The following QKI variants were observed in gnomAD, a reference collection of about 807,000 sequenced individuals.
QKI encodes QKI, KH domain containing RNA binding, also known as KH domain-containing RNA-binding protein QKI.
In QKI, 10 loss-of-function variants were observed where a neutral mutation model predicts 39.0. The observed-to-expected ratio is 0.26, with a 90% CI of 0.16 to 0.43. The LOEUF is 0.43. QKI is among the 20% of genes least tolerant of loss of function. The pLI is 1.00. For synonymous variants in QKI, 204 were observed against 155.4 expected (o/e 1.31, Z -2.33); for missense variants, 218 against 428.0 (o/e 0.51, Z 4.33).
At chr6:163,474,801 A>AAAG (rs1241028543) in intron 2 of QKI, among the ~76,000 whole-genome samples, 1 of 150,394 alleles carries the variant, frequency 6.6e-6, no homozygotes, top group Non-Finnish European at 1.5e-5. Context: ...AAAAAAAAAA[A>AAAG]AAAAAAGCCA....
At chr6:163,485,588 CAA>C (rs139428120) in intron 3 of QKI, among the ~76,000 whole-genome samples, 3,084 of 152,276 alleles carry the variant, frequency 0.02, 103 homozygotes, top group African/African-American at 0.07. Context: ...TTCTCATAAA[CAA>C]GAGGAGAATA....
chr6:163,475,021 C>A (rs182905692), intron 2 of QKI, among the ~76,000 whole-genome samples: 2 of 152,066 alleles, frequency 1.3e-5, no homozygotes, highest in Non-Finnish European at 2.9e-5. Context: ...AGTGAAAATT[C>A]TTGCAAGTAT....
At chr6:163,514,725 T>C (rs1424308238) in intron 3 of QKI, among the ~76,000 whole-genome samples, 1 of 152,114 alleles carries the variant, frequency 6.6e-6, no homozygotes. Flanking sequence ...GATATTAGGA[T>C]AGTTGAATTT....
chr6:163,444,020 A>G (rs1409636444), intron 1 of QKI, among the ~76,000 whole-genome samples: 2 of 152,188 alleles, frequency 1.3e-5, no homozygotes, highest in African/African-American at 4.8e-5. Flanking sequence ...GCAAGTGTAG[A>G]GGAATCTAAT....
At chr6:163,530,471 A>G (rs1780781634) in intron 3 of QKI, among the ~76,000 whole-genome samples, 1 of 152,204 alleles carries the variant, frequency 6.6e-6, no homozygotes, top group South Asian at 2.1e-4. Flanking sequence ...AAATTTGCCA[A>G]TCCCAGATTG....
intron 1 of QKI, among the ~76,000 whole-genome samples, chr6:163,436,845 G>T (rs1789334199): frequency 6.9e-6 from 1 of 145,420 alleles, no homozygotes; most frequent in Admixed American, 6.9e-5. Context: ...TCCTTTTCTT[G>T]CTAAAGCAAG....
At chr6:163,549,193 G>A (rs1467367221) in intron 4 of QKI, among the ~76,000 whole-genome samples, 2 of 152,080 alleles carry the variant, frequency 1.3e-5, no homozygotes, top group Non-Finnish European at 2.9e-5. Flanking sequence ...TGGGAGGAGA[G>A]GCCAGAGAGG....
intron 3 of QKI, among the ~76,000 whole-genome samples, chr6:163,530,653 C>CT (rs373706848): frequency 1.3e-5 from 2 of 152,036 alleles, no homozygotes; most frequent in Non-Finnish European, 2.9e-5. Flanking sequence ...ACCTCAAAGC[C>CT]TTTTTTTGTG....
intron 7 of QKI, chr6:163,568,768 G>T: frequency 2.0e-6 from 2 of 984,686 alleles, no homozygotes; most frequent in Non-Finnish European, 2.4e-6. Context: ...CCAATATCTA[G>T]TTCTTTACTA....
intron 4 of QKI, among the ~76,000 whole-genome samples, chr6:163,536,799 G>C (rs1016226831): frequency 6.6e-6 from 1 of 152,132 alleles, no homozygotes; most frequent in South Asian, 2.1e-4. Flanking sequence ...CAAATGATTT[G>C]GGTTTTTACT....
chr6:163,439,497 G>A (rs1282064058), intron 1 of QKI, among the ~76,000 whole-genome samples: 2 of 150,870 alleles, frequency 1.3e-5, no homozygotes, highest in African/African-American at 2.4e-5. Context: ...ACAGGTGCCC[G>A]CCACCACACA....
chr6:163,552,674 C>CAT (rs1392534533), intron 4 of QKI, among the ~76,000 whole-genome samples: 1 of 152,110 alleles, frequency 6.6e-6, no homozygotes, highest in Non-Finnish European at 1.5e-5. Context: ...GCGGCGTACT[C>CAT]ATATATGTTT....
At position 163,415,053 on chromosome 6, in the gene QKI, C is replaced by T; in HGVS notation, c.-141C>T. 2 of 881,280 alleles carry T rather than the reference C, an allele frequency of 2.3e-6. No homozygotes were observed. Among genetic ancestry groups the T allele is most frequent in the South Asian group, 1.0e-4 (2 of 19,862 alleles). 54.6% of individuals were successfully genotyped at this position (881,280 alleles called of 1,614,324 possible). On this transcript the variant is annotated 5_prime_UTR_variant, in exon 1 of 8. Transcript: ENST00000361752. ...CGGTGCCGGCCGCCCCGGGGCTCGG[C>T]GCGGGAGCCAGAGCGGGAGCCGGCG...
chr6:163,513,000 G>A (rs1029437416), intron 3 of QKI, among the ~76,000 whole-genome samples: 1 of 152,086 alleles, frequency 6.6e-6, no homozygotes, highest in Admixed American at 6.5e-5. Context: ...GTTACCTGTG[G>A]TACAGTACAA....
At chr6:163,525,111 A>T (rs1238715305) in intron 3 of QKI, among the ~76,000 whole-genome samples, 2 of 152,134 alleles carry the variant, frequency 1.3e-5, no homozygotes, top group Admixed American at 1.3e-4. Flanking sequence ...TTTTGTTTTG[A>T]ATCTCTGGGA....
chr6:163,444,705 T>C (rs770393049), intron 1 of QKI, among the ~76,000 whole-genome samples: 1 of 152,198 alleles, frequency 6.6e-6, no homozygotes, highest in Non-Finnish European at 1.5e-5. Context: ...GGATGATTAG[T>C]AATGATTGCT....
chr6:163,564,980 T>C, intron 6 of QKI: 2 of 1,272,442 alleles, frequency 1.6e-6, no homozygotes, highest in Non-Finnish European at 2.0e-6. Flanking sequence ...ACTCGAAAAT[T>C]CGTTGTTCAA....
chr6:163,505,089 C>T (rs988705614), intron 3 of QKI, among the ~76,000 whole-genome samples: 1 of 152,194 alleles, frequency 6.6e-6, no homozygotes, highest in Admixed American at 6.5e-5. Context: ...ACACAAGCCC[C>T]AAGCCTTGGG....
chr6:163,457,520 C>T (rs181456865), intron 2 of QKI: 1 of 450,906 alleles, frequency 2.2e-6, no homozygotes, highest in Non-Finnish European at 4.5e-6. Context: ...GTTCAAGCCC[C>T]TTTCCATACT....
Sources: gnomAD v4.1 joint callset for allele counts (sites outside exome capture counted in the v4.1 genomes callset) on GRCh38, gnomAD v4.1.1 for gene constraint, MANE v1.5 for transcripts, NCBI Gene and HGNC (gene_info 2026-07-23, HGNC 2026-07-21) for gene names.